The following NSL1 variants were observed in gnomAD, a reference collection of about 807,000 sequenced individuals.
NSL1 encodes kinetochore-associated protein NSL1 homolog.
A neutral mutation model predicts 25.4 loss-of-function variants in NSL1; 11 were observed. The ratio of observed to expected loss-of-function variants is 0.43; its 90% CI spans 0.27 to 0.72. NSL1 has a LOEUF of 0.72. NSL1 is among the 30% of genes least tolerant of loss of function. NSL1 has a pLI of 0.19. For synonymous variants in NSL1, 118 were observed against 120.6 expected (o/e 0.98, Z 0.14); for missense variants, 330 against 342.7 (o/e 0.96, Z 0.29).
intron 4 of NSL1, among the ~76,000 whole-genome samples, chr1:212,777,779 T>C (rs567523949): frequency 2.2e-4 from 34 of 152,320 alleles, no homozygotes; most frequent in African/African-American, 8.2e-4. Flanking sequence ...GAAACAAGTA[T>C]GACAAAATGT....
chr1:212,737,260 G>T lies in NSL1; in HGVS notation c.*1148C>A. The T allele has an allele frequency of 6.1e-6, 6 of 985,242 alleles. No individual in the cohort carries two copies. The highest frequency in any genetic ancestry group is 7.2e-6 in the Non-Finnish European group (6 of 829,744). The allele number at this position is 985,242 out of a possible 1,614,324, so 61.0% of individuals were successfully genotyped here. On this transcript the variant is annotated 3_prime_UTR_variant, in exon 6 of 6. Coordinates refer to ENST00000366977, the MANE Select transcript of NSL1 (RefSeq NM_015471.4). ...CTGAAACACAAAATGCAACAAAGTG[G>T]CTTTATAAGTTTTCTTCACTGAGAC...
In NSL1 at chr1:212,735,018, A is replaced by G. The variant is rs1658177255; in HGVS notation, c.*3390T>C. ...CATTATGAACTCATTTACTTCTCAG[A>G]ATAACGCTATGAGGTAGGCATAATT... is the stretch of plus-strand genomic sequence containing the variant. On this transcript the variant is annotated 3_prime_UTR_variant, in exon 6 of 6. Transcript: ENST00000366977. 6.6e-6 allele frequency among the ~76,000 whole-genome samples: 1 copy of G among 152,234 alleles called. No individual in the cohort carries two copies. Among genetic ancestry groups the G allele is most frequent in the Non-Finnish European group, 1.5e-5 (1 of 68,042 alleles).
chr1:212,791,667 G>C lies in NSL1; in HGVS notation c.97C>G (p.Arg33Gly). The part of the protein sequence containing the change: ...ESQALVSATP[R>G]EDFRVRCTSK... The stretch of plus-strand genomic sequence containing the variant: ...GTGCAGCGCACCCGAAAGTCTTCTC[G>C]GGGAGTGGCGGAGACCAAGGCCTGG... Residue 33 changes from arginine (R) to glycine (G), a missense_variant, in exon 1 of 6, where the codon CGA (arginine) becomes GGA (glycine). Coordinates refer to ENST00000366977, the MANE Select transcript of NSL1 (RefSeq NM_015471.4). 1 of 1,613,988 alleles carries C rather than the reference G, an allele frequency of 6.2e-7. No homozygotes were observed. The highest frequency in any genetic ancestry group is 1.1e-5 in the South Asian group (1 of 91,082).
intron 4 of NSL1, among the ~76,000 whole-genome samples, chr1:212,749,555 G>T (rs1658970297): frequency 6.6e-6 from 1 of 151,808 alleles, no homozygotes; most frequent in East Asian, 1.9e-4. Flanking sequence ...CCAAAGTGAT[G>T]GGATTACAGG....
chr1:212,745,905 G>A (rs138125174), intron 4 of NSL1, among the ~76,000 whole-genome samples: 24 of 152,310 alleles, frequency 1.6e-4, no homozygotes, highest in African/African-American at 5.1e-4. Context: ...GGCTGAGGCT[G>A]CAGTGAGCTA....
At chr1:212,788,851 G>A (rs927029593) in intron 1 of NSL1, among the ~76,000 whole-genome samples, 1 of 152,158 alleles carries the variant, frequency 6.6e-6, no homozygotes, top group Non-Finnish European at 1.5e-5. Flanking sequence ...TAATAGACAT[G>A]TTTGGTTTCA....
At position 212,737,123 on chromosome 1, in the gene NSL1, G is replaced by A; in HGVS notation, c.*1285C>T. On this transcript the variant is annotated 3_prime_UTR_variant, in exon 6 of 6. Transcript: ENST00000366977. ...CACCATCCAACTGAAGCTGAGCTCA[G>A]GAATGCCTAAGACAACTCATAAAAA... 1.0e-6 allele frequency: 1 copy of A among 985,392 alleles called. No individual in the cohort carries two copies. Among genetic ancestry groups the A allele is most frequent in the Non-Finnish European group, 1.2e-6 (1 of 829,912 alleles). The allele number at this position is 985,392 out of a possible 1,614,324, so 61.0% of individuals were successfully genotyped here. A position where few individuals can be genotyped will look rare whatever the true frequency, so the allele number is the denominator to read the frequency against.
rs1200371642 is a variant in NSL1, at chr1:212,727,985, G to A, written c.*10423C>T. 1.0e-6 allele frequency: 1 copy of A among 985,288 alleles called. No homozygotes were observed. Among genetic ancestry groups the A allele is most frequent in the Admixed American group, 6.2e-5 (1 of 16,260 alleles). The allele number at this position is 985,288 out of a possible 1,614,324, so 61.0% of individuals were successfully genotyped here. On this transcript the variant is annotated 3_prime_UTR_variant, in exon 6 of 6. Transcript: ENST00000366977. ...GGACAAGGCCTTTGCTGTGAACCAC[G>A]GGGAGAAGGTGGAAGCAGAGTTTGT... is the stretch of plus-strand genomic sequence containing the variant.
At chr1:212,759,167 A>G (rs567830157) in intron 4 of NSL1, among the ~76,000 whole-genome samples, 1 of 152,312 alleles carries the variant, frequency 6.6e-6, no homozygotes, top group African/African-American at 2.4e-5. Flanking sequence ...AACTAAAACC[A>G]AAGCAACCAA....
intron 4 of NSL1, among the ~76,000 whole-genome samples, chr1:212,749,634 T>C (rs992423471): frequency 6.6e-5 from 10 of 152,134 alleles, no homozygotes; most frequent in African/African-American, 2.2e-4. Context: ...ATTCACTGAT[T>C]TGTGAAGCCT....
chr1:212,735,176 G>C lies in NSL1; in HGVS notation c.*3232C>G. The C allele has an allele frequency of 2.5e-6, 1 of 394,098 alleles. No individual in the cohort carries two copies. 24.4% of individuals were successfully genotyped at this position (394,098 alleles called of 1,614,324 possible). Reference sequence around the variant, plus strand: ...CTGGCTCAGAGACTATGCTCTTTAAGATCTCTGACTTTTGATCATAGACAG... The same window carrying C: ...CTGGCTCAGAGACTATGCTCTTTAACATCTCTGACTTTTGATCATAGACAG... On this transcript the variant is annotated 3_prime_UTR_variant, in exon 6 of 6. Transcript: ENST00000366977.
At chr1:212,746,964 GC>G (rs1431792199) in intron 4 of NSL1, among the ~76,000 whole-genome samples, 2 of 152,096 alleles carry the variant, frequency 1.3e-5, no homozygotes, top group African/African-American at 4.8e-5. Flanking sequence ...GGCCAACATG[GC>G]AAAACTCCAT....
intron 4 of NSL1, among the ~76,000 whole-genome samples, chr1:212,775,808 T>C (rs1000263609): frequency 2.0e-5 from 3 of 152,072 alleles, no homozygotes; most frequent in Non-Finnish European, 4.4e-5. Flanking sequence ...ACAAAAAAAG[T>C]AGTAACCATA....
At chr1:212,742,282 T>C (rs1658542580) in intron 4 of NSL1, among the ~76,000 whole-genome samples, 1 of 152,166 alleles carries the variant, frequency 6.6e-6, no homozygotes, top group Admixed American at 6.5e-5. Context: ...AAAATTTACA[T>C]TTGAAGCCAT....
In NSL1 at chr1:212,726,349, A is replaced by G. The variant is rs1224094513; in HGVS notation, c.*12059T>C. The G allele has an allele frequency of 6.6e-6, 1 of 152,266 alleles. No individual in the cohort carries two copies. Among genetic ancestry groups the G allele is most frequent in the Non-Finnish European group, 1.5e-5 (1 of 68,054 alleles). 9.4% of individuals were successfully genotyped at this position (152,266 alleles called of 1,614,324 possible). A position where few individuals can be genotyped will look rare whatever the true frequency, so the allele number is the denominator to read the frequency against. On this transcript the variant is annotated 3_prime_UTR_variant, in exon 6 of 6. Transcript: ENST00000366977. Reference sequence around the variant, plus strand: ...AAAAAACCCACAAAACAATAGCATTAGTTCAGTTCAGAAAATCCAGTTCAA... The same window carrying G: ...AAAAAACCCACAAAACAATAGCATTGGTTCAGTTCAGAAAATCCAGTTCAA...
In NSL1 at chr1:212,727,144, A is replaced by G; in HGVS notation, c.*11264T>C. 6.3e-7 allele frequency: 1 copy of G among 1,580,228 alleles called. No homozygotes were observed. The highest frequency in any genetic ancestry group is 1.2e-5 in the South Asian group (1 of 86,066). ...AGGTTCCCCGATCCCCTTCTCTCCT[A>G]AACTGCCCCTAGAGCTAGTCCACCA... On this transcript the variant is annotated 3_prime_UTR_variant, in exon 6 of 6. Transcript: ENST00000366977.
intron 1 of NSL1, 35 bp from the exon 2 acceptor site, chr1:212,787,672 A>T: frequency 7.2e-7 from 1 of 1,389,516 alleles, no homozygotes; most frequent in Non-Finnish European, 9.9e-7. Flanking sequence ...GTCACTAAAA[A>T]TAATTTTAAA....
chr1:212,735,571 GT>G lies in NSL1; in HGVS notation c.*2836del. On this transcript the variant is annotated 3_prime_UTR_variant, in exon 6 of 6. Coordinates refer to ENST00000366977, the MANE Select transcript of NSL1 (RefSeq NM_015471.4). ...GGCTTGTGTTATGGACTCAATGTTT[GT>G]GTCCCCCTAAAATCTGTATGATGAA... The G allele has an allele frequency of 1.0e-6, 1 of 982,096 alleles. No individual in the cohort carries two copies. The highest frequency in any genetic ancestry group is 1.2e-6 in the Non-Finnish European group (1 of 826,924). The allele number at this position is 982,096 out of a possible 1,614,324, so 60.8% of individuals were successfully genotyped here.
chr1:212,727,419 C>T lies in NSL1; in HGVS notation c.*10989G>A. The T allele has an allele frequency of 3.0e-6, 3 of 985,344 alleles. No individual in the cohort carries two copies. Among genetic ancestry groups the T allele is most frequent in the Non-Finnish European group, 3.6e-6 (3 of 829,904 alleles). 61.0% of individuals were successfully genotyped at this position (985,344 alleles called of 1,614,324 possible). ...CAAGTTAATGTTTCCAAAATATACT[C>T]CTTGTAACAGACATTACCTAAATTT... On this transcript the variant is annotated 3_prime_UTR_variant, in exon 6 of 6. Transcript: ENST00000366977.
Sources: gnomAD v4.1 joint callset for allele counts (sites outside exome capture counted in the v4.1 genomes callset) on GRCh38, gnomAD v4.1.1 for gene constraint, MANE v1.5 for transcripts, NCBI Gene and HGNC (gene_info 2026-07-23, HGNC 2026-07-21) for gene names.